CIB1: variants seen among roughly 807,000 people sequenced by gnomAD.
CIB1 encodes the protein calcium and integrin binding 1, also known as calcium and integrin-binding protein 1.
A neutral mutation model predicts 25.0 loss-of-function variants in CIB1; 19 were observed. The ratio of observed to expected loss-of-function variants is 0.76; its 90% confidence interval spans 0.53 to 1.12. The LOEUF (loss-of-function observed/expected upper bound fraction) is 1.12. CIB1 is among the 50% of genes most tolerant of loss of function. The pLI is 0.00. For missense variants in CIB1, 236 were observed against 242.6 expected, an observed-to-expected ratio of 0.97 and a Z score of 0.18; for synonymous variants, 104 against 98.5, an observed-to-expected ratio of 1.06 and a Z score of -0.33.
At chr15:90,263,835 C>T in the CIB1 span, 5 of 749,410 alleles carry the variant, frequency 6.7e-6, no homozygotes, top group South Asian at 2.9e-5. Flanking sequence ...CAGAGCAGGG[C>T]GCTCCTCATT....
At chr15:90,253,084 C>T in the CIB1 span, among the ~76,000 whole-genome samples, 1 of 152,200 alleles carries the variant, frequency 6.6e-6, no homozygotes, top group East Asian at 1.9e-4. Flanking sequence ...CCCCTAAGAA[C>T]TTGAAATTGT....
At chr15:90,250,746 C>G in the CIB1 span, 1 of 1,614,166 alleles carries the variant, frequency 6.2e-7, no homozygotes, top group Non-Finnish European at 8.5e-7. Flanking sequence ...TCACAGCAGG[C>G]TCTCTTAAAA....
chr15:90,241,587 A>G, the CIB1 span: 4 of 1,613,556 alleles, frequency 2.5e-6, no homozygotes, highest in Non-Finnish European at 3.4e-6. Flanking sequence ...CCTGGCCCAC[A>G]GACTGCCCGT....
upstream of CIB1, chr15:90,235,922 T>G (rs1307735406): frequency 6.6e-6 from 1 of 152,172 alleles, no homozygotes; most frequent in Non-Finnish European, 1.5e-5. Context: ...GTTAGTCTTC[T>G]GTTAGTAAAA....
At chr15:90,249,214 CAAAAA>C in the CIB1 span, among the ~76,000 whole-genome samples, 99 of 88,198 alleles carry the variant, frequency 1.1e-3, no homozygotes, top group East Asian at 3.7e-3. Flanking sequence ...GACCCCGTCT[CAAAAA>C]AAAAAAAAAA....
the CIB1 span, chr15:90,265,212 C>A: frequency 7.4e-7 from 1 of 1,353,856 alleles, no homozygotes. Context: ...CATTTCTGCT[C>A]ATCAAGCCTT....
chr15:90,254,910 G>C, the CIB1 span, among the ~76,000 whole-genome samples: 15 of 152,320 alleles, frequency 9.8e-5, no homozygotes, highest in African/African-American at 3.4e-4. Context: ...AGGGCTTACT[G>C]TACAACAGAC....
the CIB1 span, chr15:90,250,883 CG>C: frequency 7.1e-5 from 115 of 1,613,458 alleles, no homozygotes; most frequent in Non-Finnish European, 9.7e-5. Context: ...AAGGCGGAAA[CG>C]CAGGTAACTA....
chr15:90,241,791 G>T, the CIB1 span: 1 of 1,614,230 alleles, frequency 6.2e-7, no homozygotes, highest in African/African-American at 1.3e-5. Flanking sequence ...CACCCGGGGA[G>T]CTCCGCCGGG....
chr15:90,255,717 C>G, the CIB1 span: 2 of 1,613,938 alleles, frequency 1.2e-6, no homozygotes, highest in Non-Finnish European at 1.7e-6. Context: ...GGAAATGCCA[C>G]TTACTCTGGG....
the CIB1 span, chr15:90,241,136 T>G: frequency 6.2e-7 from 1 of 1,614,168 alleles, no homozygotes; most frequent in Non-Finnish European, 8.5e-7. Context: ...TGGGGCTGTT[T>G]CGCTACCGTC....
the CIB1 span, among the ~76,000 whole-genome samples, chr15:90,252,445 G>C: frequency 0.025 from 3,807 of 152,038 alleles, 158 homozygotes; most frequent in African/African-American, 0.086. Context: ...CTTCTCAAAG[G>C]CCTAGGATAA....
At chr15:90,263,327 A>G in the CIB1 span, 3 of 573,388 alleles carry the variant, frequency 5.2e-6, no homozygotes, top group Admixed American at 3.3e-5. Context: ...TCTGTTCCCA[A>G]GCTCCTTTGT....
At chr15:90,254,070 G>A in the CIB1 span, among the ~76,000 whole-genome samples, 1 of 152,192 alleles carries the variant, frequency 6.6e-6, no homozygotes, top group African/African-American at 2.4e-5. Context: ...ACCACTTTGG[G>A]AGGCCAAGGC....
At chr15:90,246,787 CAAAAAAAAAAAAAAAAAAAAAAAAAAAAA>C in the CIB1 span, among the ~76,000 whole-genome samples, 2 of 45,248 alleles carry the variant, frequency 4.4e-5, no homozygotes, top group South Asian at 2.1e-3. Flanking sequence ...GACTCTGTCT[CAAAAAAAAAAAAAAAAAAAAAAAAAAAAA>C]AAAAAAAAAA....
the CIB1 span, chr15:90,244,603 A>G: frequency 6.6e-6 from 1 of 152,144 alleles, no homozygotes; most frequent in East Asian, 1.9e-4. Flanking sequence ...AGGCAGGCAA[A>G]TCACTTGTCA....
At chr15:90,252,463 G>A in the CIB1 span, among the ~76,000 whole-genome samples, 3 of 152,108 alleles carry the variant, frequency 2.0e-5, no homozygotes, top group South Asian at 2.1e-4. Context: ...TAACAGGCAG[G>A]AGCCACCATG....
At chr15:90,241,301 C>A in the CIB1 span, 1 of 1,614,100 alleles carries the variant, frequency 6.2e-7, no homozygotes, top group African/African-American at 1.3e-5. Context: ...AGATCCGGCC[C>A]GGAGAAGTCC....
chr15:90,262,873 G>T, the CIB1 span: 1 of 1,369,454 alleles, frequency 7.3e-7, no homozygotes, highest in Non-Finnish European at 9.7e-7. Flanking sequence ...GAAGGGATGA[G>T]GGTAGAGTGG....
Sources: gnomAD v4.1 joint callset for allele counts (sites outside exome capture counted in the v4.1 genomes callset) on GRCh38, gnomAD v4.1.1 for gene constraint, MANE v1.5 for transcripts, NCBI Gene and HGNC (gene_info 2026-07-23, HGNC 2026-07-21) for gene names.